Variants in EIPR1 observed in about 807,000 individuals in gnomAD.
EIPR1 encodes the protein EARP complex and GARP complex interacting protein 1.
EIPR1 carries 25 observed loss-of-function variants against 48.1 expected under a neutral mutation model. The ratio of observed to expected loss-of-function variants is 0.52; its 90% confidence interval spans 0.38 to 0.73. The LOEUF is 0.73. Ranked by LOEUF, EIPR1 falls within the 30% of genes least tolerant of loss-of-function variation. EIPR1 has a pLI of 0.00. For synonymous variants in EIPR1, 204 were observed against 201.9 expected, an observed-to-expected ratio of 1.01 and a Z score of -0.09; for missense variants, 415 against 506.2, an observed-to-expected ratio of 0.82 and a Z score of 1.73.
At chr2:3,360,554 C>A (rs921280242) in intron 1 of EIPR1, among the ~76,000 whole-genome samples, 4 of 152,156 alleles carry the variant, frequency 2.6e-5, no homozygotes, top group Non-Finnish European at 5.9e-5. Flanking sequence ...AAAGAATCAT[C>A]AGGAACCTTA....
At chr2:3,355,202 G>C (rs1388992793) in intron 1 of EIPR1, among the ~76,000 whole-genome samples, 1 of 152,218 alleles carries the variant, frequency 6.6e-6, no homozygotes, top group South Asian at 2.1e-4. Context: ...TGGAAAGCCT[G>C]GCTGATAGGC....
At chr2:3,282,375 A>G (rs1310785421) in intron 3 of EIPR1, 2 of 152,300 alleles carry the variant, frequency 1.3e-5, no homozygotes, top group African/African-American at 2.4e-5. Context: ...TTGTGTGGAA[A>G]AAACAAAAAA....
chr2:3,313,337 G>A (rs756144780), intron 3 of EIPR1, among the ~76,000 whole-genome samples: 1 of 152,140 alleles, frequency 6.6e-6, no homozygotes, highest in Admixed American at 6.5e-5. Flanking sequence ...AAGGCTGAGA[G>A]AGCAGCACAA....
At chr2:3,321,870 G>A (rs866778735) in intron 3 of EIPR1, among the ~76,000 whole-genome samples, 1 of 152,136 alleles carries the variant, frequency 6.6e-6, no homozygotes, top group African/African-American at 2.4e-5. Context: ...AGGCACAGAC[G>A]CTGCCTCATC....
chr2:3,295,399 C>CAT (rs1476730284), intron 3 of EIPR1, among the ~76,000 whole-genome samples: 2 of 135,608 alleles, frequency 1.5e-5, no homozygotes, highest in African/African-American at 2.8e-5. Flanking sequence ...ATCCTCTCTA[C>CAT]ACACACACCC....
chr2:3,371,060 C>T (rs545822584), intron 1 of EIPR1, among the ~76,000 whole-genome samples: 1 of 152,256 alleles, frequency 6.6e-6, no homozygotes, highest in African/African-American at 2.4e-5. Flanking sequence ...CTCTACAAGC[C>T]AGGAGAGAGT....
intron 3 of EIPR1, among the ~76,000 whole-genome samples, chr2:3,330,674 C>T (rs1669861628): frequency 6.6e-6 from 1 of 151,802 alleles, no homozygotes; most frequent in Non-Finnish European, 1.5e-5. Flanking sequence ...CAGGTGCACA[C>T]ACATGAGACA....
In EIPR1 at chr2:3,329,871, G is replaced by A. The variant is rs567741854; in HGVS notation, c.259+8146C>T. ...CCATGACCACTCTCTAATGACCTCG[G>A]GGCACCAGCCTGGGCTCCCTTGGAT... On this transcript the variant is annotated intron_variant, in intron 3 of 8. Transcript: ENST00000382125. 3.5e-5 allele frequency among the ~76,000 whole-genome samples: 5 copies of A among 144,004 alleles called. No individual in the cohort carries two copies. The East Asian group carries it at 8.4e-4, about 24-fold the overall frequency. The allele number at this position is 144,004 out of a possible 152,430, so 94.5% of individuals were successfully genotyped here. A position where few individuals can be genotyped will look rare whatever the true frequency, so the allele number is the denominator to read the frequency against.
chr2:3,361,655 G>T (rs1375026414), intron 1 of EIPR1, among the ~76,000 whole-genome samples: 5 of 152,122 alleles, frequency 3.3e-5, no homozygotes, highest in South Asian at 2.1e-4. Context: ...AGTCATCAGA[G>T]TCACCCAACT....
chr2:3,280,671 G>A (rs548702935), intron 3 of EIPR1, among the ~76,000 whole-genome samples: 2 of 152,292 alleles, frequency 1.3e-5, no homozygotes, highest in East Asian at 3.9e-4. Context: ...TTGTTCAGGG[G>A]AAGCTCTTTC....
intron 3 of EIPR1, among the ~76,000 whole-genome samples, chr2:3,295,241 ACCCTC>A (rs1668518005): frequency 1.3e-5 from 1 of 74,644 alleles, no homozygotes; most frequent in Non-Finnish European, 2.6e-5. Context: ...CCACACATAC[ACCCTC>A]CATCCAGCCC....
At chr2:3,375,281 A>G (rs1317923961) in intron 1 of EIPR1, among the ~76,000 whole-genome samples, 1 of 151,032 alleles carries the variant, frequency 6.6e-6, no homozygotes, top group Non-Finnish European at 1.5e-5. Flanking sequence ...CCTAATGCTG[A>G]ATGACGAGTT....
At chr2:3,229,738 G>A (rs1666180037) in intron 4 of EIPR1, among the ~76,000 whole-genome samples, 1 of 152,078 alleles carries the variant, frequency 6.6e-6, no homozygotes, top group Non-Finnish European at 1.5e-5. Context: ...TTTGCTTTAT[G>A]CGGTGCTTTT....
intron 3 of EIPR1, among the ~76,000 whole-genome samples, chr2:3,270,177 G>A (rs1419218951): frequency 6.6e-6 from 1 of 152,192 alleles, no homozygotes; most frequent in Admixed American, 6.5e-5. Context: ...ACAAAGCAGG[G>A]GTGAAACAAG....
chr2:3,296,062 C>CG (rs1186126597), intron 3 of EIPR1, among the ~76,000 whole-genome samples: 6 of 120,744 alleles, frequency 5.0e-5, no homozygotes, highest in Admixed American at 8.3e-5. Context: ...CCATGCAGCC[C>CG]TCCTCTCTCT....
At chr2:3,199,061 G>GCCCCCCCCC (rs1334678710) in intron 5 of EIPR1, among the ~76,000 whole-genome samples, 13 of 22,578 alleles carry the variant, frequency 5.8e-4, no homozygotes, top group Admixed American at 1.3e-3. Flanking sequence ...ATTTTAGAGG[G>GCCCCCCCCC]CCCCCCCCCC....
In EIPR1 at chr2:3,237,686, C is replaced by T. The variant is rs1456522221; in HGVS notation, c.416+19613G>A. Among the ~76,000 whole-genome samples the T allele has an allele frequency of 3.9e-5, 6 of 152,128 alleles. No individual in the cohort carries two copies. The South Asian group carries it at 6.2e-4, about 16-fold the overall frequency. ...TACATGGAACGCGCTGAGAGGCAAGCGTGGAATGCTGCGGCACATGAGTCT... is the reference window on the plus strand; with the variant it reads ...TACATGGAACGCGCTGAGAGGCAAGTGTGGAATGCTGCGGCACATGAGTCT... On this transcript the variant is annotated intron_variant, in intron 4 of 8. Coordinates refer to ENST00000382125, the MANE Select transcript of EIPR1 (RefSeq NM_003310.5).
At chr2:3,213,461 C>T (rs761834641) in intron 5 of EIPR1, among the ~76,000 whole-genome samples, 2 of 152,186 alleles carry the variant, frequency 1.3e-5, no homozygotes, top group Non-Finnish European at 2.9e-5. Flanking sequence ...TTTCATAACT[C>T]ATGCAAATAC....
intron 5 of EIPR1, among the ~76,000 whole-genome samples, chr2:3,205,743 C>T (rs1665211270): frequency 6.6e-6 from 1 of 152,202 alleles, no homozygotes; most frequent in Admixed American, 6.5e-5. Flanking sequence ...TGAACCCCAG[C>T]TCTGCTTCCG....
Sources: gnomAD v4.1 joint callset for allele counts (sites outside exome capture counted in the v4.1 genomes callset) on GRCh38, gnomAD v4.1.1 for gene constraint, MANE v1.5 for transcripts, NCBI Gene and HGNC (gene_info 2026-07-23, HGNC 2026-07-21) for gene names.